Variants in DIAPH2 observed in about 807,000 individuals in gnomAD.
DIAPH2 encodes diaphanous related formin 2.
Under a neutral mutation model 92.7 loss-of-function variants are expected in DIAPH2, and 35 were observed. The ratio of observed to expected loss-of-function variants is 0.38; its 90% CI spans 0.29 to 0.50. The LOEUF (loss-of-function observed/expected upper bound fraction) is 0.50. DIAPH2 is among the 20% of genes least tolerant of loss of function. DIAPH2 has a pLI of 0.94. For synonymous variants in DIAPH2, 301 were observed against 280.4 expected (o/e 1.07, Z -0.73); for missense variants, 701 against 819.5 (o/e 0.86, Z 1.77).
At chrX:96,800,812 A>G (rs773545980) in intron 4 of DIAPH2, among the ~76,000 whole-genome samples, 3 of 112,455 alleles carry the variant, frequency 2.7e-5, no homozygotes, top group African/African-American at 9.7e-5. Context: ...AAATCCTATT[A>G]GAGATCTGTC....
intron 1 of DIAPH2, among the ~76,000 whole-genome samples, chrX:96,733,363 A>G (rs769798138): frequency 9.0e-6 from 1 of 111,289 alleles, no homozygotes; most frequent in African/African-American, 3.3e-5. Flanking sequence ...AGTAAGCCAT[A>G]TGGGCCATGG....
chrX:97,285,155 A>T (rs2068529754), intron 23 of DIAPH2, among the ~76,000 whole-genome samples: 1 of 111,288 alleles, frequency 9.0e-6, no homozygotes, highest in Admixed American at 9.6e-5. Flanking sequence ...AAACCCAGTT[A>T]TTTGAATGAA....
chrX:97,427,555 A>T (rs1338784463), intron 25 of DIAPH2, among the ~76,000 whole-genome samples: 6 of 112,273 alleles, frequency 5.3e-5, no homozygotes, highest in Non-Finnish European at 9.4e-5. Flanking sequence ...TCCCAGGTAC[A>T]TTCTAGCCAT....
chrX:96,932,040 GT>G lies in DIAPH2; in HGVS notation c.1089+1207del, dbSNP rs372670975. Reference sequence around the variant, plus strand: ...GTTAGTGTGACATGTGATTATTCTTGTTTTTTTTTTCACTAATTTTCTTTTC... The same window carrying G: ...GTTAGTGTGACATGTGATTATTCTTGTTTTTTTTTCACTAATTTTCTTTTC... On this transcript the variant is annotated intron_variant, in intron 10 of 26. Transcript: ENST00000324765. Among the ~76,000 whole-genome samples the G allele has an allele frequency of 9.0e-3, 956 of 105,789 alleles. 10 individuals are homozygous for G. The highest frequency in any genetic ancestry group is 0.031 in the African/African-American group (895 of 29,204). The allele number at this position is 105,789 out of a possible 115,157, so 91.9% of individuals were successfully genotyped here. A position where few individuals can be genotyped will look rare whatever the true frequency, so the allele number is the denominator to read the frequency against.
chrX:97,589,960 AT>A (rs1185423435), intron 26 of DIAPH2, among the ~76,000 whole-genome samples: 1 of 112,448 alleles, frequency 8.9e-6, no homozygotes, highest in Non-Finnish European at 1.9e-5. Context: ...GACAATTTGT[AT>A]TTTAAAACAA....
intron 4 of DIAPH2, among the ~76,000 whole-genome samples, chrX:96,768,757 T>G (rs1469879588): frequency 9.0e-6 from 1 of 111,401 alleles, no homozygotes; most frequent in Non-Finnish European, 1.9e-5. Flanking sequence ...CAGAGGTCAC[T>G]GTGCATGGAG....
intron 4 of DIAPH2, chrX:96,793,465 G>A (rs2064515791): frequency 3.6e-6 from 1 of 274,693 alleles, no homozygotes; most frequent in African/African-American, 2.8e-5. Context: ...GACCGTGCCC[G>A]GCCCCCTTCC....
intron 23 of DIAPH2, among the ~76,000 whole-genome samples, chrX:97,318,820 G>C (rs753928185): frequency 1.6e-4 from 18 of 111,152 alleles, no homozygotes; most frequent in Admixed American, 2.9e-4. Context: ...CATCCTTGCT[G>C]TTCTAAACAT....
chrX:97,193,561 C>T (rs1424183673), intron 22 of DIAPH2, among the ~76,000 whole-genome samples: 2 of 111,742 alleles, frequency 1.8e-5, no homozygotes, highest in Non-Finnish European at 3.8e-5. Flanking sequence ...TAAGTTATCT[C>T]CCAGTTGGTA....
chrX:97,323,670 G>A (rs2068924114), intron 23 of DIAPH2, among the ~76,000 whole-genome samples: 1 of 105,273 alleles, frequency 9.5e-6, no homozygotes, highest in African/African-American at 3.5e-5. Context: ...TTGGGAGGCC[G>A]AGGTGGGCGG....
chrX:97,268,856 C>CTTTTTTT (rs747116851), intron 23 of DIAPH2, among the ~76,000 whole-genome samples: 1 of 86,942 alleles, frequency 1.2e-5, no homozygotes, highest in African/African-American at 4.5e-5. Flanking sequence ...TCTTTTCTTT[C>CTTTTTTT]TTTTTTTTTT....
At chrX:97,160,394 A>T (rs2067360138) in intron 22 of DIAPH2, among the ~76,000 whole-genome samples, 1 of 112,561 alleles carries the variant, frequency 8.9e-6, no homozygotes, top group Non-Finnish European at 1.9e-5. Context: ...AGTTACAAGG[A>T]AGTGGGCCAA....
intron 2 of DIAPH2, among the ~76,000 whole-genome samples, chrX:96,737,310 T>C (rs1461660703): frequency 8.9e-6 from 1 of 112,495 alleles, no homozygotes; most frequent in Non-Finnish European, 1.9e-5. Context: ...TTTCAAAGTA[T>C]ACTTTTTGGT....
chrX:97,075,199 G>T lies in DIAPH2; in HGVS notation c.2185G>T (p.Glu729Ter). 8.4e-7 allele frequency: 1 copy of T among 1,190,469 alleles called. No homozygotes were observed. Among genetic ancestry groups the T allele is most frequent in the South Asian group, 1.9e-5 (1 of 53,614 alleles). The change falls in exon 19 of 27, where the codon GAA (glutamate) becomes TAA (stop). Residue 729 changes from glutamate to a stop codon, truncating the protein, a stop_gained. Transcript: ENST00000324765. LOFTEE classifies it high-confidence loss of function. ...TCTGGGATCATATCGCATGCCATATGAAGACATAAGAAACGTTATTCTGGA... is the reference window on the plus strand; with the variant it reads ...TCTGGGATCATATCGCATGCCATATTAAGACATAAGAAACGTTATTCTGGA... ...IFLGSYRMPYEDIRNVILEVN... is the reference protein window; with the variant it reads ...IFLGSYRMPY
At chrX:96,824,902 A>G (rs1373049554) in intron 4 of DIAPH2, among the ~76,000 whole-genome samples, 3 of 109,845 alleles carry the variant, frequency 2.7e-5, no homozygotes, top group African/African-American at 9.9e-5. Flanking sequence ...TGTAACTAAA[A>G]TAAGCTTTTC....
chrX:97,194,576 A>C (rs190914386), intron 22 of DIAPH2, among the ~76,000 whole-genome samples: 33 of 111,167 alleles, frequency 3.0e-4, no homozygotes, highest in South Asian at 1.5e-3. Flanking sequence ...GAACCACTGC[A>C]CCCGGCCCCT....
At chrX:96,846,070 T>C (rs768009866) in intron 4 of DIAPH2, among the ~76,000 whole-genome samples, 1 of 107,041 alleles carries the variant, frequency 9.3e-6, no homozygotes, top group South Asian at 4.1e-4. Context: ...AACCAAAGTG[T>C]TGGGATTACA....
chrX:96,936,403 C>T (rs1000469485), intron 10 of DIAPH2, among the ~76,000 whole-genome samples: 2 of 111,623 alleles, frequency 1.8e-5, no homozygotes, highest in Non-Finnish European at 3.8e-5. Flanking sequence ...AAATCCTAGT[C>T]CCACTTTCGG....
At chrX:97,520,401 G>T (rs1425202064) in intron 26 of DIAPH2, among the ~76,000 whole-genome samples, 5 of 112,223 alleles carry the variant, frequency 4.5e-5, no homozygotes, top group Non-Finnish European at 9.4e-5. Context: ...TCCACATCTA[G>T]TTAGTAGTTA....
Sources: allele counts gnomAD v4.1 joint callset (sites outside exome capture counted in the v4.1 genomes callset), GRCh38; gene constraint gnomAD v4.1.1; transcripts MANE v1.5; gene names NCBI Gene and HGNC (gene_info 2026-07-23, HGNC 2026-07-21).